Variants in CTNNA3 observed in about 807,000 individuals in gnomAD.
CTNNA3 encodes the protein catenin alpha-3.
Under a neutral mutation model 95.7 loss-of-function variants are expected in CTNNA3, and 76 were observed. That is an observed-to-expected ratio of 0.79 (90% CI 0.66 to 0.96). The LOEUF (loss-of-function observed/expected upper bound fraction) is 0.96. Ranked by LOEUF, CTNNA3 falls within the 40% of genes least tolerant of loss-of-function variation. The pLI is 0.00. For synonymous variants in CTNNA3, 431 were observed against 374.4 expected, an observed-to-expected ratio of 1.15 and a Z score of -1.74; for missense variants, 1,191 against 1,089.8, an observed-to-expected ratio of 1.09 and a Z score of -1.31.
intron 1 of CTNNA3, among the ~76,000 whole-genome samples, chr10:67,670,975 T>G (rs1208297440): frequency 6.6e-6 from 1 of 152,192 alleles, no homozygotes. Flanking sequence ...GGTTTTGTTT[T>G]TTTGTTTGTT....
intron 10 of CTNNA3, among the ~76,000 whole-genome samples, chr10:66,613,187 T>C (rs1425256437): frequency 2.0e-5 from 3 of 152,092 alleles, no homozygotes; most frequent in Non-Finnish European, 4.4e-5. Flanking sequence ...TTTAAAGTCA[T>C]TATCTAATTT....
At chr10:66,370,077 T>G (rs1305809379) in intron 12 of CTNNA3, among the ~76,000 whole-genome samples, 2 of 152,154 alleles carry the variant, frequency 1.3e-5, no homozygotes, top group Non-Finnish European at 2.9e-5. Context: ...CACACTCGAA[T>G]TCACATGGTT....
chr10:67,637,928 A>G (rs552299017), intron 2 of CTNNA3, among the ~76,000 whole-genome samples: 252 of 152,344 alleles, frequency 1.7e-3, no homozygotes, highest in African/African-American at 5.3e-3. Flanking sequence ...TGTAAAGACC[A>G]TCAAGGCTAG....
chr10:67,294,277 G>C (rs1306561940), intron 5 of CTNNA3, among the ~76,000 whole-genome samples: 1 of 152,122 alleles, frequency 6.6e-6, no homozygotes, highest in Non-Finnish European at 1.5e-5. Context: ...TAATACTCGA[G>C]TAAATATACC....
chr10:67,387,453 C>A (rs907178526), intron 5 of CTNNA3, among the ~76,000 whole-genome samples: 1 of 152,172 alleles, frequency 6.6e-6, no homozygotes, highest in African/African-American at 2.4e-5. Flanking sequence ...AGTCTGAGAT[C>A]AAACTGCAAG....
chr10:65,986,106 T>A (rs1177093568), intron 16 of CTNNA3, among the ~76,000 whole-genome samples: 1 of 151,454 alleles, frequency 6.6e-6, no homozygotes, highest in Non-Finnish European at 1.5e-5. Context: ...CTAATTAAAC[T>A]ACTAAGTGAA....
chr10:67,351,038 A>G, intron 5 of CTNNA3, among the ~76,000 whole-genome samples: 1 of 151,872 alleles, frequency 6.6e-6, no homozygotes, highest in East Asian at 1.9e-4. Flanking sequence ...GTATCCAACA[A>G]TAAAGATAAA....
intron 9 of CTNNA3, among the ~76,000 whole-genome samples, chr10:66,693,188 C>T (rs113112848): frequency 2.0e-5 from 3 of 152,114 alleles, no homozygotes; most frequent in Non-Finnish European, 2.9e-5. Context: ...AAGTCAAGAC[C>T]CATCAATGTG....
intron 3 of CTNNA3, among the ~76,000 whole-genome samples, chr10:67,579,399 C>G (rs572877349): frequency 1.3e-5 from 2 of 152,224 alleles, no homozygotes; most frequent in East Asian, 3.9e-4. Context: ...TTTTTTATGG[C>G]TGCATACTAT....
intron 7 of CTNNA3, among the ~76,000 whole-genome samples, chr10:67,006,500 CTT>C (rs1321907649): frequency 2.0e-5 from 3 of 150,480 alleles, no homozygotes; most frequent in East Asian, 3.9e-4. Context: ...TTTCCAAAAA[CTT>C]AGCTTTTTCC....
At chr10:67,119,522 G>C (rs1948371352) in intron 7 of CTNNA3, among the ~76,000 whole-genome samples, 1 of 151,916 alleles carries the variant, frequency 6.6e-6, no homozygotes, top group African/African-American at 2.4e-5. Context: ...TTACTAATGA[G>C]ATTTACCAGA....
At chr10:66,205,349 C>A (rs536260819) in intron 13 of CTNNA3, among the ~76,000 whole-genome samples, 10 of 151,964 alleles carry the variant, frequency 6.6e-5, no homozygotes, top group Admixed American at 2.0e-4. Context: ...CCACTAAAGT[C>A]ACAGTTTCCA....
chr10:66,811,958 C>T (rs1841897743), intron 7 of CTNNA3, among the ~76,000 whole-genome samples: 1 of 152,130 alleles, frequency 6.6e-6, no homozygotes, highest in Non-Finnish European at 1.5e-5. Flanking sequence ...TGAGTATGTT[C>T]AGTGGCCATA....
At chr10:66,934,784 T>C (rs1191550625) in intron 7 of CTNNA3, among the ~76,000 whole-genome samples, 1 of 152,158 alleles carries the variant, frequency 6.6e-6, no homozygotes, top group Non-Finnish European at 1.5e-5. Flanking sequence ...TATAAAATAG[T>C]AAGGCAAATA....
intron 15 of CTNNA3, among the ~76,000 whole-genome samples, chr10:66,057,177 C>T (rs535813301): frequency 9.9e-5 from 15 of 152,170 alleles, no homozygotes; most frequent in Non-Finnish European, 2.1e-4. Context: ...GTGATGGTAG[C>T]TGATTCCTCT....
intron 2 of CTNNA3, among the ~76,000 whole-genome samples, chr10:67,610,291 T>C (rs1843416422): frequency 6.6e-6 from 1 of 152,170 alleles, no homozygotes; most frequent in African/African-American, 2.4e-5. Context: ...AAGTAAGAAA[T>C]GTGAAAAGAA....
intron 7 of CTNNA3, among the ~76,000 whole-genome samples, chr10:66,885,982 T>G (rs2132479110): frequency 6.6e-6 from 1 of 152,252 alleles, no homozygotes; most frequent in Non-Finnish European, 1.5e-5. Context: ...CAAAAATGTA[T>G]AGAAATGTCT....
At chr10:66,952,953 C>G (rs531460435) in intron 7 of CTNNA3, among the ~76,000 whole-genome samples, 16 of 152,160 alleles carry the variant, frequency 1.1e-4, no homozygotes, top group African/African-American at 3.9e-4. Flanking sequence ...CTTTGAAATA[C>G]TTCCACAGAA....
At chr10:67,186,044 A>C (rs7070090) in intron 6 of CTNNA3, among the ~76,000 whole-genome samples, 12,538 of 149,474 alleles carry the variant, frequency 0.084, 568 homozygotes, top group South Asian at 0.19. Flanking sequence ...AAAAAAAAAA[A>C]AATTAAACCA....
Sources: gnomAD v4.1 joint callset for allele counts (sites outside exome capture counted in the v4.1 genomes callset) on GRCh38, gnomAD v4.1.1 for gene constraint, MANE v1.5 for transcripts, NCBI Gene and HGNC (gene_info 2026-07-23, HGNC 2026-07-21) for gene names.